Variants in ST6GALNAC2 observed in about 807,000 individuals in gnomAD.
The protein encoded by ST6GALNAC2 is alpha-N-acetylgalactosaminide alpha-2,6-sialyltransferase 2.
Under a neutral mutation model 38.7 loss-of-function variants are expected in ST6GALNAC2, and 42 were observed. That is an observed-to-expected ratio of 1.09 (90% CI 0.85 to 1.40). The LOEUF is 1.40. ST6GALNAC2 is among the 40% of genes most tolerant of loss of function. ST6GALNAC2 has a pLI of 0.00. For synonymous variants in ST6GALNAC2, 233 were observed against 209.0 expected, an observed-to-expected ratio of 1.11 and a Z score of -0.99; for missense variants, 506 against 481.7, an observed-to-expected ratio of 1.05 and a Z score of -0.47.
chr17:76,566,670 A>G (rs1203324090), intron 8 of ST6GALNAC2, among the ~76,000 whole-genome samples: 4 of 149,196 alleles, frequency 2.7e-5, no homozygotes, highest in African/African-American at 7.5e-5. Context: ...AGCCTGGGCA[A>G]CATGGTAAGA....
At chr17:76,576,614 G>A (rs2075418456) in intron 2 of ST6GALNAC2, among the ~76,000 whole-genome samples, 1 of 152,082 alleles carries the variant, frequency 6.6e-6, no homozygotes, top group African/African-American at 2.4e-5. Context: ...ATTCCTACAT[G>A]GCTCTGCTGA....
chr17:76,584,424 A>G (rs1284988315), intron 1 of ST6GALNAC2, among the ~76,000 whole-genome samples: 2 of 152,126 alleles, frequency 1.3e-5, no homozygotes, highest in Non-Finnish European at 1.5e-5. Flanking sequence ...TCAAACATGT[A>G]TTATTTCTTT....
At chr17:76,569,771 C>CG (rs3837795) in intron 6 of ST6GALNAC2, 111,382 of 211,626 alleles carry the variant, frequency 0.53, 30,933 homozygotes, top group Admixed American at 0.65. Flanking sequence ...AATCACCAAG[C>CG]GGGGGTGGGG....
chr17:76,569,936 A>T, intron 6 of ST6GALNAC2: 1 of 208,434 alleles, frequency 4.8e-6, no homozygotes, highest in East Asian at 1.1e-4. Context: ...GATCTCAGGG[A>T]CAAGAAATTG....
rs190173865 is a variant in ST6GALNAC2, at chr17:76,575,989, A to G, written c.187-1450T>C. On this transcript the variant is annotated intron_variant, in intron 2 of 8. Transcript: ENST00000225276. The stretch of plus-strand genomic sequence containing the variant: ...CTGGGCATGGGGGCTCACCCCTCTA[A>G]TGCCAGCGCTTTGGGAGGTCAAGGC... 5.1e-4 allele frequency among the ~76,000 whole-genome samples: 78 copies of G among 152,354 alleles called. 2 individuals are homozygous for G. Among genetic ancestry groups the G allele is most frequent in the Admixed American group, 4.8e-3 (74 of 15,304 alleles).
Position 76,570,597 on chromosome 17 carries a change from C to A in ST6GALNAC2, c.741G>T (p.Val247=). The A allele has an allele frequency of 6.2e-7, 1 of 1,613,058 alleles. No individual in the cohort carries two copies. Among genetic ancestry groups the A allele is most frequent in the Non-Finnish European group, 8.5e-7 (1 of 1,179,674 alleles). Residue 247 remains valine, a synonymous_variant, in exon 6 of 9, where the codon GTG becomes GTT. Transcript: ENST00000225276. ...CTTTATCTAGGCCCTCAGGGACAGGCACGCCCAGAATGGCCGATCTCAGCA... is the reference window on the plus strand; with the variant it reads ...CTTTATCTAGGCCCTCAGGGACAGGAACGCCCAGAATGGCCGATCTCAGCA... The part of the protein sequence containing the change: ...YVMLRSAILG[V]PVPEGLDKGD...
rs776625732 is a variant in ST6GALNAC2 at position 76,585,648 on chromosome 17, C to T, written c.125+36G>A. 2.0e-6 allele frequency: 3 copies of T among 1,504,182 alleles called. No individual in the cohort carries two copies. In the South Asian group the frequency reaches 3.7e-5, roughly 19 times the overall value. The allele number at this position is 1,504,182 out of a possible 1,614,324, so 93.2% of individuals were successfully genotyped here. ...GGACCCTCCCCGCGCCCTGGTCGCCCCTGCGCCCTCCCGCTCTGCGCTCGG... is the reference window on the plus strand; with the variant it reads ...GGACCCTCCCCGCGCCCTGGTCGCCTCTGCGCCCTCCCGCTCTGCGCTCGG... On this transcript the variant is annotated intron_variant, in intron 1 of 8. Coordinates refer to ENST00000225276, the MANE Select transcript of ST6GALNAC2 (RefSeq NM_006456.3).
At chr17:76,579,727 C>A (rs2075455237) in intron 1 of ST6GALNAC2, among the ~76,000 whole-genome samples, 1 of 152,184 alleles carries the variant, frequency 6.6e-6, no homozygotes, top group Non-Finnish European at 1.5e-5. Flanking sequence ...GTTCCTGATA[C>A]AAGGATGAAT....
chr17:76,577,620 C>T (rs377250845), intron 2 of ST6GALNAC2, among the ~76,000 whole-genome samples: 1 of 147,286 alleles, frequency 6.8e-6, no homozygotes, highest in Admixed American at 6.8e-5. Flanking sequence ...CTGTCACTCA[C>T]GGTGGAGTGC....
At chr17:76,571,919 G>A (rs2075357451) in intron 5 of ST6GALNAC2, among the ~76,000 whole-genome samples, 1 of 152,168 alleles carries the variant, frequency 6.6e-6, no homozygotes, top group Non-Finnish European at 1.5e-5. Context: ...TGCCACCTGG[G>A]ACACGTCCCT....
Position 76,573,395 on chromosome 17 carries a change from AG to A in ST6GALNAC2, c.362-33del. On this transcript the variant is annotated intron_variant, in intron 3 of 8. Coordinates refer to ENST00000225276, the MANE Select transcript of ST6GALNAC2 (RefSeq NM_006456.3). This position sits in a 1 kb window ranked among gnomAD's most constrained non-coding sequence, Gnocchi z 5.1. ...GTGCAGATGGGGAGCAGCCATGAGGAGGGCTGGCATCGGGGGCACCTGGGGC... is the reference window on the plus strand; with the variant it reads ...GTGCAGATGGGGAGCAGCCATGAGGAGGCTGGCATCGGGGGCACCTGGGGC... 6.7e-7 allele frequency: 1 copy of A among 1,485,324 alleles called. No homozygotes were observed. Among genetic ancestry groups the A allele is most frequent in the Non-Finnish European group, 9.0e-7 (1 of 1,114,750 alleles). The allele number at this position is 1,485,324 out of a possible 1,614,324, so 92.0% of individuals were successfully genotyped here.
At chr17:76,572,799 G>A (rs1411487783) in intron 4 of ST6GALNAC2, 24 bp from the exon 5 acceptor site, 1 of 1,613,582 alleles carries the variant, frequency 6.2e-7, no homozygotes, top group Non-Finnish European at 8.5e-7. Context: ...AGGCCCATCA[G>A]TGTCTGCGGT....
At chr17:76,569,585 TGGAACG>T (rs1410586572) in intron 6 of ST6GALNAC2, 1 of 388,440 alleles carries the variant, frequency 2.6e-6, no homozygotes, top group African/African-American at 2.2e-5. Context: ...ACAATGTTGT[TGGAACG>T]GGACTGGGAG....
At chr17:76,570,724 A>C in intron 5 of ST6GALNAC2, 56 bp from the exon 6 acceptor site, 4 of 1,374,704 alleles carry the variant, frequency 2.9e-6, no homozygotes, top group Admixed American at 1.9e-5. Context: ...TTAGCTCCTC[A>C]GTGTGGACAG....
chr17:76,573,162 C>CAA lies in ST6GALNAC2; in HGVS notation c.530+32_530+33insTT. 9.0e-6 allele frequency: 14 copies of CAA among 1,561,156 alleles called. No individual in the cohort carries two copies. The highest frequency in any genetic ancestry group is 1.1e-5 in the Non-Finnish European group (13 of 1,145,306). ...ACCCCCACCCTCCAGGCAACTCTCC[C>CAA]TCCCGCCCCTCCCCAGCTCCTACCC... On this transcript the variant is annotated intron_variant, in intron 4 of 8. Transcript: ENST00000225276. The surrounding 1 kb of genome is among the most constrained non-coding windows in gnomAD (Gnocchi z 5.1).
intron 8 of ST6GALNAC2, 113 bp from the exon 9 acceptor site, chr17:76,566,384 G>A: frequency 8.7e-7 from 1 of 1,147,234 alleles, no homozygotes; most frequent in Non-Finnish European, 1.3e-6. Context: ...TGAGGATAAT[G>A]GTCTAGGGCT....
intron 4 of ST6GALNAC2, 77 bp from the exon 5 acceptor site, chr17:76,572,852 C>T: frequency 3.2e-6 from 5 of 1,554,450 alleles, no homozygotes; most frequent in Non-Finnish European, 4.4e-6. Flanking sequence ...ACGGCTCTGC[C>T]TGGCCTATCC....
Position 76,573,183 on chromosome 17 carries a change from T to C in ST6GALNAC2, c.530+12A>G. The C allele has an allele frequency of 1.8e-6, 2 of 1,133,840 alleles. No individual in the cohort carries two copies. The highest frequency in any genetic ancestry group is 2.5e-6 in the Non-Finnish European group (2 of 788,730). The allele number at this position is 1,133,840 out of a possible 1,614,324, so 70.2% of individuals were successfully genotyped here. A position where few individuals can be genotyped will look rare whatever the true frequency, so the allele number is the denominator to read the frequency against. ...CTCCCTCCCGCCCCTCCCCAGCTCC[T>C]ACCCCTCATACCTGAATACATAGTC... On this transcript the variant is annotated intron_variant, in intron 4 of 8. Transcript: ENST00000225276. This position sits in a 1 kb window ranked among gnomAD's most constrained non-coding sequence, Gnocchi z 5.1.
At position 76,573,503 on chromosome 17, in the gene ST6GALNAC2, G is replaced by GCT; in HGVS notation, c.362-141_362-140insAG. Reference sequence around the variant, plus strand: ...CCAAGAAGCACAGAGGGTGGGAGGGGAAGGAGATGTCTGTGGGGGGAGAAT... The same window carrying GCT: ...CCAAGAAGCACAGAGGGTGGGAGGGGCTAAGGAGATGTCTGTGGGGGGAGAAT... On this transcript the variant is annotated intron_variant, in intron 3 of 8. Coordinates refer to ENST00000225276, the MANE Select transcript of ST6GALNAC2 (RefSeq NM_006456.3). This position sits in a 1 kb window ranked among gnomAD's most constrained non-coding sequence, Gnocchi z 5.1. 2.5e-6 allele frequency: 2 copies of GCT among 797,602 alleles called. No homozygotes were observed. The highest frequency in any genetic ancestry group is 2.3e-5 in the South Asian group (1 of 43,420). 49.4% of individuals were successfully genotyped at this position (797,602 alleles called of 1,614,324 possible).
Sources: gnomAD v4.1 joint callset for allele counts (sites outside exome capture counted in the v4.1 genomes callset) on GRCh38, gnomAD v4.1.1 for gene constraint, Gnocchi (gnomAD v3.1) non-coding constraint, MANE v1.5 for transcripts, NCBI Gene and HGNC (gene_info 2026-07-23, HGNC 2026-07-21) for gene names.